The following LRBA variants were observed in gnomAD, a reference collection of about 807,000 sequenced individuals.
The protein encoded by LRBA is LPS responsive beige-like anchor protein.
Under a neutral mutation model 330.0 loss-of-function variants are expected in LRBA, and 176 were observed. The observed-to-expected ratio is 0.53, with a 90% CI of 0.47 to 0.60. The LOEUF (loss-of-function observed/expected upper bound fraction) is 0.60, where lower values mean the gene tolerates loss of function less well. LRBA is among the 20% of genes least tolerant of loss of function. LRBA has a pLI of 0.00. For synonymous variants in LRBA, 1,230 were observed against 1,193.0 expected (o/e 1.03, Z -0.64); for missense variants, 3,259 against 3,444.8 (o/e 0.95, Z 1.35).
chr4:150,315,929 C>A lies in LRBA; in HGVS notation c.7631-306G>T, dbSNP rs184019919. 3.9e-4 allele frequency among the ~76,000 whole-genome samples: 59 copies of A among 152,258 alleles called. 1 individual carries two copies. The East Asian group carries it at 0.01, about 27-fold the overall frequency. On this transcript the variant is annotated intron_variant, in intron 50 of 56. Transcript: ENST00000651943. The stretch of plus-strand genomic sequence containing the variant: ...AAACAAAATTAAGTGGTAAAGCGCA[C>A]TGAAAACAAAATGTGACAACCATCT...
At chr4:150,809,736 T>C (rs1201608456) in intron 31 of LRBA, among the ~76,000 whole-genome samples, 1 of 152,056 alleles carries the variant, frequency 6.6e-6, no homozygotes, top group Non-Finnish European at 1.5e-5. Flanking sequence ...GTGCCTGTGG[T>C]CCCAGCTAGG....
intron 37 of LRBA, among the ~76,000 whole-genome samples, chr4:150,656,216 T>C (rs1422162533): frequency 6.6e-6 from 1 of 152,254 alleles, no homozygotes; most frequent in Non-Finnish European, 1.5e-5. Flanking sequence ...TTTCATTTTG[T>C]TAGGCTTCTC....
chr4:150,921,093 G>A, intron 5 of LRBA, 105 bp downstream of exon 5: 2 of 679,724 alleles, frequency 2.9e-6, no homozygotes, highest in Non-Finnish European at 5.2e-6. Flanking sequence ...TTGAGCAGAA[G>A]TTTCTACCTA....
At chr4:150,580,051 G>T in intron 40 of LRBA, 1 of 244,584 alleles carries the variant, frequency 4.1e-6, no homozygotes, top group Non-Finnish European at 8.2e-6. Context: ...AGGCCTCCCG[G>T]GTTAGAGCCG....
At chr4:150,389,781 T>C (rs1198418349) in intron 47 of LRBA, among the ~76,000 whole-genome samples, 1 of 151,784 alleles carries the variant, frequency 6.6e-6, no homozygotes, top group Non-Finnish European at 1.5e-5. Context: ...CTAAATTTGT[T>C]AGTGGCAGGA....
chr4:150,766,671 G>A (rs897658720), intron 34 of LRBA, among the ~76,000 whole-genome samples: 1 of 152,072 alleles, frequency 6.6e-6, no homozygotes, highest in Non-Finnish European at 1.5e-5. Context: ...TTTCATGATC[G>A]TTTCAATATT....
In LRBA at chr4:150,597,069, TACTC is replaced by T. The variant is rs1298882582; in HGVS notation, c.6046+1934_6046+1937del. ...TAATCATAAAATTACTATAAAATAT[TACTC>T]AATGCTTACCTTTGCTGTTCTCTCT... On this transcript the variant is annotated intron_variant, in intron 38 of 56. Transcript: ENST00000651943. 1 of 1,294,502 alleles carries T rather than the reference TACTC, an allele frequency of 7.7e-7. No homozygotes were observed. Among genetic ancestry groups the T allele is most frequent in the Non-Finnish European group, 1.1e-6 (1 of 917,882 alleles). 80.2% of individuals were successfully genotyped at this position (1,294,502 alleles called of 1,614,324 possible).
At chr4:150,916,255 T>C in intron 7 of LRBA, 146 bp downstream of exon 7, 1 of 726,182 alleles carries the variant, frequency 1.4e-6, no homozygotes, top group Non-Finnish European at 2.2e-6. Flanking sequence ...GAGAGGTCAA[T>C]TATTCAGTGA....
At chr4:150,419,304 T>A (rs1005900159) in intron 46 of LRBA, among the ~76,000 whole-genome samples, 1 of 152,130 alleles carries the variant, frequency 6.6e-6, no homozygotes, top group African/African-American at 2.4e-5. Flanking sequence ...TTTCTAACAG[T>A]AACTTGGTAT....
At chr4:150,937,469 C>T (rs1735194436) in intron 2 of LRBA, among the ~76,000 whole-genome samples, 1 of 152,102 alleles carries the variant, frequency 6.6e-6, no homozygotes. Context: ...ATGCACTTTA[C>T]TAGCCATGAA....
chr4:150,460,164 A>G (rs2152047713), intron 44 of LRBA, among the ~76,000 whole-genome samples: 1 of 151,972 alleles, frequency 6.6e-6, no homozygotes, highest in South Asian at 2.1e-4. Flanking sequence ...CTTAAAACTT[A>G]AAGAGATAAA....
intron 44 of LRBA, among the ~76,000 whole-genome samples, chr4:150,445,182 T>C (rs62348581): frequency 0.22 from 33,253 of 151,878 alleles, 4,427 homozygotes; most frequent in Non-Finnish European, 0.31. Flanking sequence ...GCTTTTAAGA[T>C]AGGTCATTAG....
At chr4:150,546,659 T>C (rs190361722) in intron 40 of LRBA, among the ~76,000 whole-genome samples, 9 of 152,332 alleles carry the variant, frequency 5.9e-5, no homozygotes, top group African/African-American at 2.2e-4. Flanking sequence ...ACATTTAGCC[T>C]TACCACAATC....
At chr4:151,002,002 T>C (rs926203000) in intron 2 of LRBA, among the ~76,000 whole-genome samples, 1 of 151,134 alleles carries the variant, frequency 6.6e-6, no homozygotes, top group Non-Finnish European at 1.5e-5. Flanking sequence ...TGTTTATACC[T>C]GAAAAAAAAT....
At chr4:150,490,477 A>C (rs945347928) in intron 41 of LRBA, among the ~76,000 whole-genome samples, 2 of 151,846 alleles carry the variant, frequency 1.3e-5, no homozygotes, top group Non-Finnish European at 3.0e-5. Flanking sequence ...AGGACAGTTC[A>C]GTATCATTTT....
chr4:150,614,083 G>A (rs1047567012), intron 37 of LRBA, among the ~76,000 whole-genome samples: 6 of 152,238 alleles, frequency 3.9e-5, no homozygotes, highest in East Asian at 1.9e-4. Context: ...ATTCTATGGC[G>A]GGAAATGGAA....
At chr4:150,518,881 A>G (rs1453107164) in intron 40 of LRBA, among the ~76,000 whole-genome samples, 1 of 152,126 alleles carries the variant, frequency 6.6e-6, no homozygotes, top group Non-Finnish European at 1.5e-5. Flanking sequence ...GTAGAATACT[A>G]ATTTTCTGGG....
chr4:150,986,671 T>A (rs907066595), intron 2 of LRBA, among the ~76,000 whole-genome samples: 1 of 152,004 alleles, frequency 6.6e-6, no homozygotes, highest in East Asian at 1.9e-4. Flanking sequence ...CCATAAAGGG[T>A]AGCAAACGTA....
At chr4:150,913,172 T>C (rs1732203599) in intron 9 of LRBA, among the ~76,000 whole-genome samples, 1 of 152,158 alleles carries the variant, frequency 6.6e-6, no homozygotes, top group African/African-American at 2.4e-5. Flanking sequence ...CTGTGTGTGC[T>C]TAAGAAAAAT....
Sources: gnomAD v4.1 joint callset for allele counts (sites outside exome capture counted in the v4.1 genomes callset) on GRCh38, gnomAD v4.1.1 for gene constraint, MANE v1.5 for transcripts, NCBI Gene and HGNC (gene_info 2026-07-23, HGNC 2026-07-21) for gene names.